Variants in SRRM4 observed in about 807,000 individuals in gnomAD.
SRRM4 encodes the protein serine/arginine repetitive matrix 4, also known as serine/arginine repetitive matrix protein 4.
Under a neutral mutation model 68.9 loss-of-function variants are expected in SRRM4, and 33 were observed. The ratio of observed to expected loss-of-function variants is 0.48; its 90% CI spans 0.36 to 0.64. The LOEUF is 0.64. SRRM4 is among the 30% of genes least tolerant of loss of function. SRRM4 has a pLI of 0.00. For missense variants in SRRM4, 817 were observed against 827.1 expected (o/e 0.99, Z 0.15); for synonymous variants, 318 against 318.8 (o/e 1.00, Z 0.03).
chr12:119,128,732 T>A (rs941229191), intron 7 of SRRM4, among the ~76,000 whole-genome samples: 8 of 152,166 alleles, frequency 5.3e-5, no homozygotes, highest in Admixed American at 3.9e-4. Context: ...TGACTCAGCC[T>A]GAGCACTTCA....
chr12:119,114,498 C>A, intron 3 of SRRM4, 134 bp downstream of exon 3: 2 of 663,476 alleles, frequency 3.0e-6, no homozygotes, highest in Admixed American at 2.4e-5. Flanking sequence ...TGACCTTGGG[C>A]AAGTCACTTT....
chr12:118,982,734 A>G (rs983076464), intron 1 of SRRM4, among the ~76,000 whole-genome samples: 3 of 148,236 alleles, frequency 2.0e-5, no homozygotes, highest in African/African-American at 7.4e-5. Flanking sequence ...AGGGATGAGA[A>G]CCGATCCTTG....
intron 1 of SRRM4, among the ~76,000 whole-genome samples, chr12:118,989,523 C>T (rs1953302811): frequency 1.3e-5 from 2 of 152,098 alleles, no homozygotes; most frequent in East Asian, 3.9e-4. Flanking sequence ...GTGTATCTCT[C>T]CCGGCACCTG....
intron 1 of SRRM4, among the ~76,000 whole-genome samples, chr12:119,057,267 T>C (rs987424153): frequency 6.6e-6 from 1 of 152,206 alleles, no homozygotes; most frequent in African/African-American, 2.4e-5. Flanking sequence ...CATGGTGGTT[T>C]GCTACAAAGA....
In SRRM4 at chr12:119,158,967, T is replaced by TTGTGTGTGTGTGTGTGTGTGTG. The variant is rs57550768; in HGVS notation, c.*2199_*2220dup. 1 of 137,124 alleles carries TTGTGTGTGTGTGTGTGTGTGTG rather than the reference T, an allele frequency of 7.3e-6. No individual in the cohort carries two copies. The highest frequency in any genetic ancestry group is 7.2e-5 in the Admixed American group (1 of 13,820). 8.5% of individuals were successfully genotyped at this position (137,124 alleles called of 1,614,324 possible). A position where few individuals can be genotyped will look rare whatever the true frequency, so the allele number is the denominator to read the frequency against. ...TGAATTATTTATTTATACAGAGGTT[T>TTGTGTGTGTGTGTGTGTGTGTG]TGTGTGTGTGTGTGTGTGTGTGTGT... On this transcript the variant is annotated 3_prime_UTR_variant, in exon 13 of 13. Transcript: ENST00000267260.
intron 1 of SRRM4, among the ~76,000 whole-genome samples, chr12:119,010,139 G>C (rs904372582): frequency 6.6e-6 from 1 of 152,126 alleles, no homozygotes; most frequent in Non-Finnish European, 1.5e-5. Context: ...TGCAACCTCC[G>C]CCTCCCAGGT....
At chr12:119,027,800 C>A (rs377464440) in intron 1 of SRRM4, among the ~76,000 whole-genome samples, 14 of 152,254 alleles carry the variant, frequency 9.2e-5, no homozygotes, top group Middle Eastern at 3.4e-3. Flanking sequence ...AGGATATGAA[C>A]CCTCCCGAGA....
chr12:119,094,811 G>T lies in SRRM4; in HGVS notation c.132-7425G>T, dbSNP rs183917676. On this transcript the variant is annotated intron_variant, in intron 1 of 12. Coordinates refer to ENST00000267260, the MANE Select transcript of SRRM4 (RefSeq NM_194286.4). ...GTTTAGGGATCTGTCTCCCCTTCCA[G>T]GGTGAGAAGTCCTGCAGGGCAGAAA... Among the ~76,000 whole-genome samples the T allele has an allele frequency of 3.9e-5, 6 of 152,346 alleles. No homozygotes were observed. In the East Asian group the frequency reaches 1.2e-3, roughly 29 times the overall value.
chr12:119,017,354 C>T (rs562632382), intron 1 of SRRM4, among the ~76,000 whole-genome samples: 1 of 152,362 alleles, frequency 6.6e-6, no homozygotes, highest in South Asian at 2.1e-4. Flanking sequence ...CCTGGAAAGG[C>T]ACATCAGCAT....
intron 1 of SRRM4, among the ~76,000 whole-genome samples, chr12:119,000,022 A>G (rs779586157): frequency 2.6e-5 from 4 of 152,186 alleles, no homozygotes; most frequent in Non-Finnish European, 5.9e-5. Flanking sequence ...TGTACTTTGT[A>G]CTGTATTATG....
intron 1 of SRRM4, among the ~76,000 whole-genome samples, chr12:119,088,176 C>A (rs1456645280): frequency 6.6e-6 from 1 of 152,082 alleles, no homozygotes; most frequent in African/African-American, 2.4e-5. Context: ...GTTCTGGGCC[C>A]TACTGTGCTG....
intron 1 of SRRM4, among the ~76,000 whole-genome samples, chr12:119,079,002 T>A (rs1460615788): frequency 6.6e-6 from 1 of 152,144 alleles, no homozygotes; most frequent in African/African-American, 2.4e-5. Flanking sequence ...GGACGCTGTG[T>A]TAGATTCTGT....
intron 1 of SRRM4, among the ~76,000 whole-genome samples, chr12:119,013,352 A>T (rs538655526): frequency 7.2e-5 from 11 of 152,318 alleles, no homozygotes; most frequent in Admixed American, 1.3e-4. Context: ...GATTCAAATG[A>T]TATGATTTTC....
chr12:119,124,889 A>T (rs1225852830), intron 6 of SRRM4, among the ~76,000 whole-genome samples: 1 of 152,204 alleles, frequency 6.6e-6, no homozygotes, highest in East Asian at 1.9e-4. Flanking sequence ...CTGTATTTCC[A>T]CACTCACTTG....
At chr12:119,076,127 AATG>A (rs977456236) in intron 1 of SRRM4, among the ~76,000 whole-genome samples, 5 of 151,284 alleles carry the variant, frequency 3.3e-5, no homozygotes, top group African/African-American at 7.3e-5. Context: ...AGTGACAATG[AATG>A]ATGATGATGA....
chr12:119,086,413 T>C (rs1282247876), intron 1 of SRRM4, among the ~76,000 whole-genome samples: 1 of 152,172 alleles, frequency 6.6e-6, no homozygotes, highest in Non-Finnish European at 1.5e-5. Context: ...GAGAAATATT[T>C]GTACAGGGAA....
At position 119,159,401 on chromosome 12, in the gene SRRM4, A is replaced by T. The variant is rs954498501; in HGVS notation, c.*2603A>T. ...TGCACAAAGTCGAAATCCCTTGTGA[A>T]TGTCCCTTAGGGAGGCACCAGATTG... On this transcript the variant is annotated 3_prime_UTR_variant, in exon 13 of 13. Coordinates refer to ENST00000267260, the MANE Select transcript of SRRM4 (RefSeq NM_194286.4). 6.6e-6 allele frequency: 1 copy of T among 152,244 alleles called. No individual in the cohort carries two copies. The highest frequency in any genetic ancestry group is 2.4e-5 in the African/African-American group (1 of 41,448). 9.4% of individuals were successfully genotyped at this position (152,244 alleles called of 1,614,324 possible). A position where few individuals can be genotyped will look rare whatever the true frequency, so the allele number is the denominator to read the frequency against.
intron 1 of SRRM4, among the ~76,000 whole-genome samples, chr12:118,997,978 G>A (rs1953359861): frequency 1.3e-5 from 2 of 152,090 alleles, no homozygotes; most frequent in African/African-American, 4.8e-5. Flanking sequence ...CACACTAACT[G>A]TGTGGAAAAA....
intron 2 of SRRM4, among the ~76,000 whole-genome samples, chr12:119,108,366 T>G (rs1159476922): frequency 7.2e-5 from 11 of 152,154 alleles, no homozygotes; most frequent in Non-Finnish European, 1.3e-4. Flanking sequence ...TTCCTGGATA[T>G]CCTTGTTAAC....
Sources: gnomAD v4.1 joint callset for allele counts (sites outside exome capture counted in the v4.1 genomes callset) on GRCh38, gnomAD v4.1.1 for gene constraint, MANE v1.5 for transcripts, NCBI Gene and HGNC (gene_info 2026-07-23, HGNC 2026-07-21) for gene names.